The following TWIST2 variants were observed in gnomAD, a reference collection of about 807,000 sequenced individuals.
The protein encoded by TWIST2 is twist family bHLH transcription factor 2, also known as twist-related protein 2.
Under a neutral mutation model 11.6 loss-of-function variants are expected in TWIST2, and 1 was observed. The ratio of observed to expected loss-of-function variants is 0.09; its 90% CI spans 0.03 to 0.41. TWIST2 has a LOEUF of 0.41. Among genes scored for constraint, TWIST2 ranks in the 10% least tolerant of loss-of-function variants. The probability of loss-of-function intolerance (pLI) is 0.98; values close to 1 mark genes in which losing one functional copy is unlikely to be tolerated. For synonymous variants in TWIST2, 87 were observed against 96.6 expected (o/e 0.90, Z 0.58); for missense variants, 168 against 226.4 (o/e 0.74, Z 1.66).
chr2:238,866,613 C>T lies in TWIST2; in HGVS notation c.*35+17880C>T, dbSNP rs1222494531. Among the ~76,000 whole-genome samples the T allele has an allele frequency of 2.6e-5, 4 of 152,050 alleles. No individual in the cohort carries two copies. Among genetic ancestry groups the T allele is most frequent in the South Asian group, 2.1e-4 (1 of 4,822 alleles). ...CGGAGGTTGCAGTGAGCTGAGATCG[C>T]GCCACTGTACTCCAGCCTGGGTGAC... On this transcript the variant is annotated intron_variant, in intron 1 of 1. Transcript: ENST00000612363. This position sits in a 1 kb window ranked among gnomAD's most constrained non-coding sequence, Gnocchi z 4.9.
intron 1 of TWIST2, among the ~76,000 whole-genome samples, chr2:238,903,064 TGTA>T (rs1472005552): frequency 3.4e-5 from 4 of 116,900 alleles, no homozygotes; most frequent in Non-Finnish European, 5.3e-5. Context: ...GTGTGTGTGA[TGTA>T]GTGTGTGTGA....
chr2:238,855,919 A>G (rs2106349873), intron 1 of TWIST2, among the ~76,000 whole-genome samples: 1 of 152,078 alleles, frequency 6.6e-6, no homozygotes, highest in East Asian at 1.9e-4. Context: ...TCATGTTACT[A>G]TTTTCTAAAA....
chr2:238,906,023 C>T (rs966244751), intron 1 of TWIST2, among the ~76,000 whole-genome samples: 4 of 152,212 alleles, frequency 2.6e-5, no homozygotes, highest in South Asian at 4.1e-4. Context: ...GGTTTTCATA[C>T]GCATGGGTTT....
At chr2:238,900,608 T>C (rs1693257204) in intron 1 of TWIST2, among the ~76,000 whole-genome samples, 1 of 152,200 alleles carries the variant, frequency 6.6e-6, no homozygotes, top group Non-Finnish European at 1.5e-5. Flanking sequence ...TGCAGCTGCA[T>C]TGCTTCTCTC....
intron 1 of TWIST2, among the ~76,000 whole-genome samples, chr2:238,900,929 G>A (rs916480614): frequency 3.3e-4 from 49 of 150,138 alleles, no homozygotes; most frequent in African/African-American, 1.1e-3. Flanking sequence ...GTGGAGACAC[G>A]TTCCTCTGCC....
At chr2:238,904,299 GGTGT>G (rs1693315490) in intron 1 of TWIST2, among the ~76,000 whole-genome samples, 1 of 147,814 alleles carries the variant, frequency 6.8e-6, no homozygotes, top group Non-Finnish European at 1.5e-5. Flanking sequence ...GTGTGATGGG[GGTGT>G]GTCTAATGTG....
At chr2:238,888,737 G>A (rs540086232) in intron 1 of TWIST2, among the ~76,000 whole-genome samples, 1 of 152,248 alleles carries the variant, frequency 6.6e-6, no homozygotes, top group South Asian at 2.1e-4. Context: ...GCATAATAAC[G>A]GCGAAGTCCT....
chr2:238,887,406 G>A (rs1159348779), intron 1 of TWIST2, among the ~76,000 whole-genome samples: 1 of 152,042 alleles, frequency 6.6e-6, no homozygotes, highest in African/African-American at 2.4e-5. Flanking sequence ...TGGTGCCCTG[G>A]GCATGTTTAG....
At chr2:238,897,760 A>G (rs1693222713) in intron 1 of TWIST2, among the ~76,000 whole-genome samples, 1 of 152,200 alleles carries the variant, frequency 6.6e-6, no homozygotes, top group Non-Finnish European at 1.5e-5. Context: ...GGCCAGCTTC[A>G]TGCTGGCACT....
chr2:238,849,618 C>G (rs1165115388), intron 1 of TWIST2, among the ~76,000 whole-genome samples: 4 of 152,190 alleles, frequency 2.6e-5, no homozygotes, highest in Non-Finnish European at 5.9e-5. Context: ...GGAAACGGGT[C>G]TGGGGGACAG....
intron 1 of TWIST2, among the ~76,000 whole-genome samples, chr2:238,876,655 C>G (rs1342606779): frequency 6.6e-6 from 1 of 152,206 alleles, no homozygotes; most frequent in African/African-American, 2.4e-5. Flanking sequence ...AACGTACACT[C>G]AGCAATATGC....
intron 1 of TWIST2, among the ~76,000 whole-genome samples, chr2:238,868,438 G>A (rs1692583947): frequency 6.6e-6 from 1 of 152,210 alleles, no homozygotes; most frequent in South Asian, 2.1e-4. Context: ...ACAGGGGCAG[G>A]GTGGAGAGCC....
In TWIST2 at chr2:238,848,856, C is replaced by T. The variant is rs536660894; in HGVS notation, c.*35+123C>T. On this transcript the variant is annotated intron_variant, in intron 1 of 1. Transcript: ENST00000612363. ...CCGCGGGCCGCGGGGGCTTGGATGC[C>T]GTGCGCTTTTCCTCTTAGCAAGGAA... 57 of 760,110 alleles carry T rather than the reference C, an allele frequency of 7.5e-5. No individual in the cohort carries two copies. The African/African-American group carries it at 7.7e-4, about 10-fold the overall frequency. 47.1% of individuals were successfully genotyped at this position (760,110 alleles called of 1,614,324 possible).
chr2:238,905,860 T>C (rs1480984819), intron 1 of TWIST2, among the ~76,000 whole-genome samples: 111 of 55,236 alleles, frequency 2.0e-3, no homozygotes, highest in African/African-American at 0.011. Context: ...TGTGTGCGTG[T>C]GTGTGCGTGC....
intron 1 of TWIST2, among the ~76,000 whole-genome samples, chr2:238,858,190 A>C (rs1692364424): frequency 1.3e-5 from 2 of 152,188 alleles, no homozygotes; most frequent in Admixed American, 1.3e-4. Flanking sequence ...GCTGCTGTGC[A>C]TTTCTGCCTC....
intron 1 of TWIST2, among the ~76,000 whole-genome samples, chr2:238,874,527 C>T (rs577400816): frequency 6.6e-6 from 1 of 152,112 alleles, no homozygotes; most frequent in African/African-American, 2.4e-5. Context: ...TGATGTGTAT[C>T]CTGGTTGGAC....
At chr2:238,861,801 G>C (rs768204098) in intron 1 of TWIST2, among the ~76,000 whole-genome samples, 1 of 152,178 alleles carries the variant, frequency 6.6e-6, no homozygotes, top group Non-Finnish European at 1.5e-5. Flanking sequence ...AATTCCAGAA[G>C]AAAAATTGAT....
rs915417292 is a variant in TWIST2 at position 238,883,257 on chromosome 2, C to T, written c.*36-26585C>T. ...TTCCTCCCCCCAGGCAGTCACCCCT[C>T]GTGGACTGTTTATCCTCGTGGAGAC... On this transcript the variant is annotated intron_variant, in intron 1 of 1. Coordinates refer to ENST00000612363, the MANE Select transcript of TWIST2 (RefSeq NM_001271893.4). Among the ~76,000 whole-genome samples the T allele has an allele frequency of 3.3e-5, 5 of 152,166 alleles. No homozygotes were observed. The South Asian group carries it at 6.2e-4, about 19-fold the overall frequency.
chr2:238,902,587 GTT>G (rs1437131390), intron 1 of TWIST2, among the ~76,000 whole-genome samples: 2,801 of 149,390 alleles, frequency 0.019, 81 homozygotes, highest in African/African-American at 0.066. Flanking sequence ...AGTTGTGTGT[GTT>G]GTAGTGTGTG....
Sources: gnomAD v4.1 joint callset for allele counts (sites outside exome capture counted in the v4.1 genomes callset) on GRCh38, gnomAD v4.1.1 for gene constraint, Gnocchi (gnomAD v3.1) non-coding constraint, MANE v1.5 for transcripts, NCBI Gene and HGNC (gene_info 2026-07-23, HGNC 2026-07-21) for gene names.